LONP2: variants seen among roughly 807,000 people sequenced by gnomAD.
The protein encoded by LONP2 is lon protease homolog 2, peroxisomal.
LONP2 carries 60 observed loss-of-function variants against 85.6 expected under a neutral mutation model. The observed-to-expected ratio is 0.70, with a 90% CI of 0.57 to 0.87. The LOEUF (loss-of-function observed/expected upper bound fraction) is 0.87, where lower values mean the gene tolerates loss of function less well. Among genes scored for constraint, LONP2 ranks in the 40% least tolerant of loss-of-function variants. The probability of loss-of-function intolerance (pLI) is 0.00; values close to 1 mark genes in which losing one functional copy is unlikely to be tolerated. For synonymous variants in LONP2, 395 were observed against 389.7 expected (o/e 1.01, Z -0.16); for missense variants, 860 against 1,063.5 (o/e 0.81, Z 2.66).
rs1427780999 is a variant in LONP2, at chr16:48,353,341, AC to A, written c.*1540del. 6.6e-6 allele frequency: 1 copy of A among 151,388 alleles called. No homozygotes were observed. Among genetic ancestry groups the A allele is most frequent in the Non-Finnish European group, 1.5e-5 (1 of 67,920 alleles). 9.4% of individuals were successfully genotyped at this position (151,388 alleles called of 1,614,324 possible). Reference sequence around the variant, plus strand: ...GGCAACATGGCAAAACCCCATTTCTACAAAAAATACAAAAATTAGCTGGGCA... The same window carrying A: ...GGCAACATGGCAAAACCCCATTTCTAAAAAAATACAAAAATTAGCTGGGCA... On this transcript the variant is annotated 3_prime_UTR_variant, in exon 15 of 15. Coordinates refer to ENST00000285737, the MANE Select transcript of LONP2 (RefSeq NM_031490.5).
downstream of LONP2, chr16:48,361,304 A>AATT: frequency 2.8e-6 from 1 of 352,580 alleles, no homozygotes; most frequent in East Asian, 5.7e-5. Flanking sequence ...CAAAACTCAG[A>AATT]ATTATTTTAC....
intron 11 of LONP2, among the ~76,000 whole-genome samples, chr16:48,310,150 G>A (rs1009417347): frequency 1.4e-4 from 22 of 151,948 alleles, no homozygotes; most frequent in Non-Finnish European, 2.9e-4. Flanking sequence ...CTTTTGCATG[G>A]AACATTTTTC....
At chr16:48,290,077 C>T (rs960549174) in intron 8 of LONP2, among the ~76,000 whole-genome samples, 16 of 152,020 alleles carry the variant, frequency 1.1e-4, no homozygotes, top group Non-Finnish European at 1.5e-4. Context: ...AGAATATTTT[C>T]GTTTCTTTAA....
At position 48,261,450 on chromosome 16, in the gene LONP2, A is replaced by G; in HGVS notation, c.750A>G (p.Arg250=). The G allele has an allele frequency of 2.5e-6, 4 of 1,607,814 alleles. No homozygotes were observed. Among genetic ancestry groups the G allele is most frequent in the Non-Finnish European group, 1.7e-6 (2 of 1,176,562 alleles). Reference sequence around the variant, plus strand: ...TTATAGCAATACGCCCTATTAGGAGAATTACACATATCTCAGGTACTTTAG... The same window carrying G: ...TTATAGCAATACGCCCTATTAGGAGGATTACACATATCTCAGGTACTTTAG... The part of the protein sequence containing the change: ...KRVIAIRPIR[R]ITHISGTLED... Residue 250 remains arginine, a synonymous_variant, in exon 5 of 15, where the codon AGA becomes AGG. Transcript: ENST00000285737.
At chr16:48,332,404 C>T (rs184650932) in intron 11 of LONP2, among the ~76,000 whole-genome samples, 277 of 152,022 alleles carry the variant, frequency 1.8e-3, no homozygotes, top group Non-Finnish European at 3.4e-3. Flanking sequence ...GGTGAAACCC[C>T]GTCTCTACTA....
Position 48,353,124 on chromosome 16 carries a change from A to G in LONP2, c.*1322A>G, listed in dbSNP as rs1003132031. On this transcript the variant is annotated 3_prime_UTR_variant, in exon 15 of 15. Transcript: ENST00000285737. ...TAGTAATATTAAGCAATTTCTAGTT[A>G]TTATTCTAGCCAGTAATGGACTTCA... is the stretch of plus-strand genomic sequence containing the variant. 1 of 152,214 alleles carries G rather than the reference A, an allele frequency of 6.6e-6. No individual in the cohort carries two copies. The highest frequency in any genetic ancestry group is 1.5e-5 in the Non-Finnish European group (1 of 68,036). The allele number at this position is 152,214 out of a possible 1,614,324, so 9.4% of individuals were successfully genotyped here. A position where few individuals can be genotyped will look rare whatever the true frequency, so the allele number is the denominator to read the frequency against.
intron 11 of LONP2, among the ~76,000 whole-genome samples, chr16:48,309,725 T>C (rs1005191778): frequency 3.9e-5 from 6 of 152,240 alleles, no homozygotes; most frequent in Non-Finnish European, 8.8e-5. Flanking sequence ...ATTTTGATTT[T>C]TTTTTAAATT....
intron 11 of LONP2, among the ~76,000 whole-genome samples, chr16:48,310,224 AGTT>A: frequency 6.6e-6 from 1 of 152,014 alleles, no homozygotes; most frequent in Admixed American, 6.6e-5. Flanking sequence ...AGCAGCATGT[AGTT>A]GTTGTTTTTT....
intron 11 of LONP2, among the ~76,000 whole-genome samples, chr16:48,314,967 C>G (rs1973111239): frequency 6.6e-6 from 1 of 152,166 alleles, no homozygotes; most frequent in African/African-American, 2.4e-5. Flanking sequence ...TTCTTCCTTT[C>G]CAACGTTATA....
chr16:48,353,397 T>TGAGGCTGAGATGG lies in LONP2; in HGVS notation c.*1600_*1612dup, dbSNP rs1960214026. ...GGCACCCGCCTGTAGTCCAGCTACTTGAGGCTGAGATGGGAGGATGAGGGA... is the reference window on the plus strand; with the variant it reads ...GGCACCCGCCTGTAGTCCAGCTACTTGAGGCTGAGATGGGAGGCTGAGATGGGAGGATGAGGGA... On this transcript the variant is annotated 3_prime_UTR_variant, in exon 15 of 15. Transcript: ENST00000285737. 1 of 150,672 alleles carries TGAGGCTGAGATGG rather than the reference T, an allele frequency of 6.6e-6. No individual in the cohort carries two copies. The highest frequency in any genetic ancestry group is 1.5e-5 in the Non-Finnish European group (1 of 67,932). The allele number at this position is 150,672 out of a possible 1,614,324, so 9.3% of individuals were successfully genotyped here.
At chr16:48,332,806 G>A (rs1959500220) in intron 11 of LONP2, among the ~76,000 whole-genome samples, 1 of 152,178 alleles carries the variant, frequency 6.6e-6, no homozygotes, top group Admixed American at 6.5e-5. Context: ...TACTCTGGAG[G>A]CTGAGGCAGG....
At chr16:48,362,279 C>A, downstream of LONP2, 1 of 1,614,108 alleles carries the variant, frequency 6.2e-7, no homozygotes, top group Non-Finnish European at 8.5e-7. The surrounding 1 kb of genome is among the most constrained non-coding windows in gnomAD (Gnocchi z 4.2). Flanking sequence ...GAAGAATGGG[C>A]GGTAACACAT....
At chr16:48,296,721 TCAAAAA>T (rs1972680158) in intron 9 of LONP2, among the ~76,000 whole-genome samples, 1 of 118,814 alleles carries the variant, frequency 8.4e-6, no homozygotes, top group African/African-American at 3.3e-5. Context: ...AAACTCCATT[TCAAAAA>T]AAAAAAAAAA....
At chr16:48,295,873 C>T in intron 8 of LONP2, 142 bp from the exon 9 acceptor site, 1 of 708,196 alleles carries the variant, frequency 1.4e-6, no homozygotes. Flanking sequence ...AATAATAATG[C>T]TCAGATGTTA....
At chr16:48,286,320 T>A (rs1253638976) in intron 8 of LONP2, among the ~76,000 whole-genome samples, 1 of 151,496 alleles carries the variant, frequency 6.6e-6, no homozygotes, top group African/African-American at 2.4e-5. Flanking sequence ...TTTTTGTATT[T>A]TTAGTAGAGA....
chr16:48,267,721 C>T (rs79346650), intron 6 of LONP2, among the ~76,000 whole-genome samples: 2,079 of 152,144 alleles, frequency 0.014, 46 homozygotes, highest in African/African-American at 0.047. Flanking sequence ...GTTCAAGTGA[C>T]TCTCCTGCCC....
intron 10 of LONP2, among the ~76,000 whole-genome samples, chr16:48,300,010 C>G (rs1164149284): frequency 8.7e-6 from 1 of 114,956 alleles, no homozygotes. Context: ...TTACACCGTT[C>G]TCTACACTAG....
intron 12 of LONP2, among the ~76,000 whole-genome samples, chr16:48,339,863 T>G (rs1567350501): frequency 6.6e-6 from 1 of 152,196 alleles, no homozygotes; most frequent in African/African-American, 2.4e-5. Context: ...GGGAATGTGC[T>G]GGAGTTCATG....
At position 48,334,244 on chromosome 16, in the gene LONP2, A is replaced by G. The variant is rs537789839; in HGVS notation, c.1824A>G (p.Glu608=). The part of the protein sequence containing the change: ...EGCREHILED[E]KPESISDTTD... ...GCAGAGAACACATCTTAGAAGATGA[A>G]AAACCTGAATCTATCAGTGACACTA... The change falls in exon 12 of 15, where the codon GAA becomes GAG. Residue 608 remains glutamate, a synonymous_variant. Coordinates refer to ENST00000285737, the MANE Select transcript of LONP2 (RefSeq NM_031490.5). The G allele has an allele frequency of 2.7e-5, 43 of 1,614,156 alleles. No individual in the cohort carries two copies. Among genetic ancestry groups the G allele is most frequent in the African/African-American group, 1.3e-4 (10 of 75,072 alleles).
Sources: allele counts gnomAD v4.1 joint callset (sites outside exome capture counted in the v4.1 genomes callset), GRCh38; gene constraint gnomAD v4.1.1; non-coding constraint Gnocchi (gnomAD v3.1); transcripts MANE v1.5; gene names NCBI Gene and HGNC (gene_info 2026-07-23, HGNC 2026-07-21).